Variants in LINGO2 observed in about 807,000 individuals in gnomAD.
LINGO2 encodes the protein leucine rich repeat and Ig domain containing 2, also known as leucine-rich repeat and immunoglobulin-like domain-containing nogo receptor-interacting protein 2.
Under a neutral mutation model 30.6 loss-of-function variants are expected in LINGO2, and 14 were observed. The observed-to-expected ratio is 0.46, with a 90% CI of 0.30 to 0.72. LINGO2 has a LOEUF of 0.72. LINGO2 is among the 30% of genes least tolerant of loss of function. The pLI is 0.07. For missense variants in LINGO2, 729 were observed against 751.7 expected, an observed-to-expected ratio of 0.97 and a Z score of 0.35; for synonymous variants, 317 against 288.5, an observed-to-expected ratio of 1.10 and a Z score of -1.00.
the LINGO2 span, among the ~76,000 whole-genome samples, chr9:28,953,995 CTT>C: frequency 6.6e-6 from 1 of 152,068 alleles, no homozygotes; most frequent in Non-Finnish European, 1.5e-5. Flanking sequence ...AAAAATTACT[CTT>C]GTTAAAATTA....
At chr9:27,981,571 A>AAAAAAAAAAAAAAAAAAAAAG (rs1820876000) in intron 5 of LINGO2, among the ~76,000 whole-genome samples, 3 of 74,232 alleles carry the variant, frequency 4.0e-5, no homozygotes, top group African/African-American at 1.1e-4. Flanking sequence ...AAAAAAAAAG[A>AAAAAAAAAAAAAAAAAAAAAG]AAAAAAAAAG....
At chr9:28,559,129 A>G (rs942588312) in intron 1 of LINGO2, among the ~76,000 whole-genome samples, 1 of 152,098 alleles carries the variant, frequency 6.6e-6, no homozygotes, top group Non-Finnish European at 1.5e-5. Context: ...AATTCTAAAA[A>G]CTGTCATCAA....
At chr9:27,994,798 TA>T (rs960751971) in intron 5 of LINGO2, among the ~76,000 whole-genome samples, 1 of 152,092 alleles carries the variant, frequency 6.6e-6, no homozygotes, top group African/African-American at 2.4e-5. Context: ...GTAGGGGACT[TA>T]AGGCAGGGCT....
chr9:28,395,979 A>G (rs1822024567), intron 2 of LINGO2, among the ~76,000 whole-genome samples: 1 of 152,148 alleles, frequency 6.6e-6, no homozygotes, highest in African/African-American at 2.4e-5. Context: ...TGTCTTGGTT[A>G]AAAAAATGTT....
chr9:28,746,373 A>G, the LINGO2 span, among the ~76,000 whole-genome samples: 6 of 152,084 alleles, frequency 3.9e-5, no homozygotes, highest in African/African-American at 1.5e-4. Context: ...GGAAGGCACC[A>G]CAGGAAAGTT....
chr9:28,055,635 G>A (rs1198551328), intron 4 of LINGO2, among the ~76,000 whole-genome samples: 3 of 152,044 alleles, frequency 2.0e-5, no homozygotes, highest in Non-Finnish European at 4.4e-5. Flanking sequence ...TAAAAACGGC[G>A]TCTTGCTATT....
chr9:28,987,259 T>C, the LINGO2 span, among the ~76,000 whole-genome samples: 2 of 151,966 alleles, frequency 1.3e-5, no homozygotes, highest in African/African-American at 4.8e-5. Flanking sequence ...TATTTCTTCA[T>C]AATTCAGTCT....
the LINGO2 span, among the ~76,000 whole-genome samples, chr9:28,942,595 G>T: frequency 6.6e-6 from 1 of 152,152 alleles, no homozygotes; most frequent in Non-Finnish European, 1.5e-5. Flanking sequence ...AATTTCAGCT[G>T]AAGTACGATG....
intron 5 of LINGO2, among the ~76,000 whole-genome samples, chr9:27,995,053 AG>A (rs1554651696): frequency 2.0e-5 from 3 of 152,220 alleles, no homozygotes; most frequent in Non-Finnish European, 4.4e-5. Context: ...AAGACAAAAA[AG>A]GAGACCTTAT....
intron 1 of LINGO2, among the ~76,000 whole-genome samples, chr9:28,629,987 T>G (rs1238787559): frequency 6.7e-6 from 1 of 149,916 alleles, no homozygotes; most frequent in Non-Finnish European, 1.5e-5. Flanking sequence ...GTGATCTCAT[T>G]GTTCAATTCC....
At chr9:28,594,048 T>A (rs1401154150) in intron 1 of LINGO2, among the ~76,000 whole-genome samples, 1 of 150,522 alleles carries the variant, frequency 6.6e-6, no homozygotes, top group Non-Finnish European at 1.5e-5. Flanking sequence ...TTTTTCAAAA[T>A]AAAAAAAAAC....
the LINGO2 span, among the ~76,000 whole-genome samples, chr9:29,066,503 G>A: frequency 5.3e-5 from 8 of 151,904 alleles, no homozygotes; most frequent in East Asian, 1.9e-4. Flanking sequence ...GTGTATTTGC[G>A]ATCATAGTGG....
At chr9:28,959,911 T>A in the LINGO2 span, among the ~76,000 whole-genome samples, 2 of 152,278 alleles carry the variant, frequency 1.3e-5, no homozygotes, top group East Asian at 1.9e-4. Flanking sequence ...GTAAATATAG[T>A]GTACATCTCA....
intron 4 of LINGO2, 31 bp downstream of exon 6, chr9:28,295,177 T>C (rs1218973962): frequency 1.3e-5 from 2 of 152,546 alleles, no homozygotes; most frequent in Non-Finnish European, 2.9e-5. Flanking sequence ...GAGCAAGTAA[T>C]AAATGATCAG....
intron 2 of LINGO2, among the ~76,000 whole-genome samples, chr9:28,434,631 T>C (rs1314525527): frequency 2.0e-5 from 3 of 152,098 alleles, no homozygotes; most frequent in Non-Finnish European, 4.4e-5. Context: ...TGTCTCAGTA[T>C]TCGCCATACA....
intron 1 of LINGO2, among the ~76,000 whole-genome samples, chr9:28,535,316 T>C (rs1467353323): frequency 2.0e-5 from 3 of 152,162 alleles, no homozygotes; most frequent in Non-Finnish European, 4.4e-5. Flanking sequence ...TTATAATTAA[T>C]GTTTTTAAAA....
At chr9:28,259,749 A>G (rs1822502391) in intron 4 of LINGO2, among the ~76,000 whole-genome samples, 1 of 151,968 alleles carries the variant, frequency 6.6e-6, no homozygotes, top group East Asian at 1.9e-4. Flanking sequence ...GGGAAAGACT[A>G]GTGAGAGAAA....
At chr9:28,641,391 A>T (rs1331879794) in intron 1 of LINGO2, among the ~76,000 whole-genome samples, 2 of 152,084 alleles carry the variant, frequency 1.3e-5, no homozygotes, top group Non-Finnish European at 2.9e-5. Context: ...AATAATACTA[A>T]ATTAAAGCTG....
chr9:28,232,967 A>G (rs555040259), intron 4 of LINGO2, among the ~76,000 whole-genome samples: 6 of 148,342 alleles, frequency 4.0e-5, no homozygotes, highest in African/African-American at 1.2e-4. Flanking sequence ...TTAGACTTCT[A>G]TGATTCCATA....
Sources: gnomAD v4.1 joint callset for allele counts (sites outside exome capture counted in the v4.1 genomes callset) on GRCh38, gnomAD v4.1.1 for gene constraint, MANE v1.5 for transcripts, NCBI Gene and HGNC (gene_info 2026-07-23, HGNC 2026-07-21) for gene names.